PTPRK: variants seen among roughly 807,000 people sequenced by gnomAD.
PTPRK encodes protein tyrosine phosphatase receptor type K.
PTPRK carries 75 observed loss-of-function variants against 178.0 expected under a neutral mutation model. The observed-to-expected ratio is 0.42, with a 90% CI of 0.35 to 0.51. PTPRK has a LOEUF of 0.51. PTPRK is among the 20% of genes least tolerant of loss of function. PTPRK has a pLI of 0.02. For missense variants in PTPRK, 1,441 were observed against 1,797.8 expected, an observed-to-expected ratio of 0.80 and a Z score of 3.59; for synonymous variants, 637 against 620.6, an observed-to-expected ratio of 1.03 and a Z score of -0.39.
intron 2 of PTPRK, among the ~76,000 whole-genome samples, chr6:128,395,577 T>A (rs547933829): frequency 1.3e-5 from 2 of 152,234 alleles, no homozygotes; most frequent in Admixed American, 1.3e-4. Context: ...CCCACCCACA[T>A]CCTTTAATTT....
chr6:128,056,177 TCTTTA>T (rs1562503981), intron 13 of PTPRK, among the ~76,000 whole-genome samples: 1 of 151,870 alleles, frequency 6.6e-6, no homozygotes, highest in Admixed American at 6.6e-5. Context: ...CCCTCTTTCC[TCTTTA>T]ATTTCTCTGG....
intron 1 of PTPRK, among the ~76,000 whole-genome samples, chr6:128,463,384 A>G (rs1849327927): frequency 6.6e-6 from 1 of 152,128 alleles, no homozygotes; most frequent in African/African-American, 2.4e-5. Context: ...TCCCAGGGTT[A>G]ATAACCAGTT....
At chr6:128,013,217 G>A (rs1300781533) in intron 13 of PTPRK, among the ~76,000 whole-genome samples, 1 of 151,312 alleles carries the variant, frequency 6.6e-6, no homozygotes, top group Non-Finnish European at 1.5e-5. Context: ...CTCCTTTCCA[G>A]ATTTTTGTTT....
intron 6 of PTPRK, among the ~76,000 whole-genome samples, chr6:128,209,405 C>T (rs891123576): frequency 3.9e-5 from 6 of 152,038 alleles, no homozygotes; most frequent in Admixed American, 3.3e-4. Context: ...ACATGTTTTC[C>T]AGTGCCAGTC....
intron 3 of PTPRK, among the ~76,000 whole-genome samples, chr6:128,290,554 A>G (rs1823217105): frequency 6.6e-6 from 1 of 152,002 alleles, no homozygotes; most frequent in South Asian, 2.1e-4. Flanking sequence ...CCAGGCATTC[A>G]TCAGAATACC....
At chr6:128,221,720 CT>C (rs1394032617) in intron 5 of PTPRK, among the ~76,000 whole-genome samples, 1 of 151,896 alleles carries the variant, frequency 6.6e-6, no homozygotes, top group East Asian at 1.9e-4. Context: ...TTATTCATTA[CT>C]TTTGTTAATT....
chr6:128,051,636 T>C (rs1779015671), intron 13 of PTPRK, among the ~76,000 whole-genome samples: 1 of 152,174 alleles, frequency 6.6e-6, no homozygotes, highest in African/African-American at 2.4e-5. Flanking sequence ...GTTGCTTCTA[T>C]TCTAGCTTCT....
At chr6:127,986,016 A>AG in intron 21 of PTPRK, 141 bp from the exon 22 acceptor site, 1 of 711,490 alleles carries the variant, frequency 1.4e-6, no homozygotes, top group East Asian at 3.0e-5. Context: ...TTCTTAAAAA[A>AG]AAAATATAAT....
chr6:128,028,724 T>G (rs1156270288), intron 13 of PTPRK, among the ~76,000 whole-genome samples: 1 of 152,222 alleles, frequency 6.6e-6, no homozygotes, highest in East Asian at 1.9e-4. Context: ...TTTAGTATTT[T>G]CTCAATGCCT....
At chr6:128,151,283 T>C (rs903055726) in intron 7 of PTPRK, among the ~76,000 whole-genome samples, 2 of 152,102 alleles carry the variant, frequency 1.3e-5, no homozygotes, top group Non-Finnish European at 2.9e-5. Flanking sequence ...AAATCCCATA[T>C]GATTGCTCTA....
chr6:128,338,411 T>C (rs1343042658), intron 2 of PTPRK, among the ~76,000 whole-genome samples: 1 of 152,098 alleles, frequency 6.6e-6, no homozygotes, highest in Non-Finnish European at 1.5e-5. Flanking sequence ...TATATAGCAG[T>C]GCCATTCCCT....
chr6:128,109,216 T>A (rs1358700215), intron 7 of PTPRK, among the ~76,000 whole-genome samples: 1 of 152,162 alleles, frequency 6.6e-6, no homozygotes, highest in East Asian at 1.9e-4. Flanking sequence ...ATGCTTGTCA[T>A]ACTTGCCCTT....
chr6:128,326,586 G>T (rs1366870365), intron 2 of PTPRK, among the ~76,000 whole-genome samples: 1 of 152,082 alleles, frequency 6.6e-6, no homozygotes, highest in African/African-American at 2.4e-5. Flanking sequence ...AGTAAAATAT[G>T]CAGGTTATAA....
At chr6:128,131,137 A>G (rs78224687) in intron 7 of PTPRK, among the ~76,000 whole-genome samples, 2,210 of 152,314 alleles carry the variant, frequency 0.015, 23 homozygotes, top group Non-Finnish European at 0.023. Flanking sequence ...AAGAAGCAGT[A>G]AAAAGCATAG....
intron 10 of PTPRK, among the ~76,000 whole-genome samples, chr6:128,082,076 A>G (rs1784921302): frequency 6.6e-6 from 1 of 152,114 alleles, no homozygotes; most frequent in Non-Finnish European, 1.5e-5. Flanking sequence ...AGGATCTTCT[A>G]CCATTTTTTT....
intron 16 of PTPRK, 148 bp from the exon 17 acceptor site, chr6:127,997,136 A>C (rs1200941537): frequency 3.9e-5 from 29 of 746,346 alleles, no homozygotes; most frequent in East Asian, 1.1e-4. Context: ...CTCAGACCTC[A>C]AAGCCGCTTT....
At chr6:128,332,305 A>G (rs1830380059) in intron 2 of PTPRK, among the ~76,000 whole-genome samples, 2 of 152,222 alleles carry the variant, frequency 1.3e-5, no homozygotes, top group East Asian at 3.9e-4. Context: ...GGCTAATTTT[A>G]TAATAGGTTT....
At chr6:127,988,869 A>G (rs1776268595) in intron 21 of PTPRK, among the ~76,000 whole-genome samples, 2 of 151,138 alleles carry the variant, frequency 1.3e-5, no homozygotes, top group Admixed American at 6.6e-5. Context: ...TGATTTTCCA[A>G]TGTTATAATT....
chr6:128,297,620 T>A (rs568480331), intron 3 of PTPRK, among the ~76,000 whole-genome samples: 1 of 152,320 alleles, frequency 6.6e-6, no homozygotes, highest in East Asian at 1.9e-4. Context: ...TGCTCCTGAA[T>A]GACTACTGGG....
Sources: allele counts gnomAD v4.1 joint callset (sites outside exome capture counted in the v4.1 genomes callset), GRCh38; gene constraint gnomAD v4.1.1; transcripts MANE v1.5; gene names NCBI Gene and HGNC (gene_info 2026-07-23, HGNC 2026-07-21).